BABAM2: variants seen among roughly 807,000 people sequenced by gnomAD.
BABAM2 encodes BRISC and BRCA1-A complex member 2.
A neutral mutation model predicts 54.7 loss-of-function variants in BABAM2; 31 were observed. The ratio of observed to expected loss-of-function variants is 0.57; its 90% confidence interval spans 0.43 to 0.77. BABAM2 has a LOEUF of 0.77. BABAM2 is among the 30% of genes least tolerant of loss of function. The pLI, the probability that BABAM2 is intolerant of heterozygous loss-of-function variation, is 0.00. For synonymous variants in BABAM2, 167 were observed against 162.9 expected (o/e 1.03, Z -0.19); for missense variants, 364 against 455.8 (o/e 0.80, Z 1.83).
intron 4 of BABAM2, among the ~76,000 whole-genome samples, chr2:28,016,911 A>G (rs1389156209): frequency 1.3e-5 from 2 of 152,326 alleles, no homozygotes; most frequent in Non-Finnish European, 2.9e-5. Context: ...ACCATAAGGG[A>G]TGTGATTGGC....
chr2:28,188,858 T>G (rs775479697), intron 7 of BABAM2, among the ~76,000 whole-genome samples: 1 of 152,208 alleles, frequency 6.6e-6, no homozygotes, highest in Non-Finnish European at 1.5e-5. Context: ...GAACACAGAC[T>G]AGTTTCAAAG....
At chr2:28,183,799 G>A (rs1297635508) in intron 7 of BABAM2, among the ~76,000 whole-genome samples, 9 of 146,568 alleles carry the variant, frequency 6.1e-5, no homozygotes, top group East Asian at 4.1e-4. Context: ...TTGTGAGAGC[G>A]GAGGGCAGAC....
At chr2:28,017,569 T>C (rs1184453856) in intron 4 of BABAM2, among the ~76,000 whole-genome samples, 1 of 152,192 alleles carries the variant, frequency 6.6e-6, no homozygotes, top group Non-Finnish European at 1.5e-5. Flanking sequence ...TAAAATTCAG[T>C]TGTTTCAGTA....
intron 7 of BABAM2, among the ~76,000 whole-genome samples, chr2:28,171,501 G>A (rs932674554): frequency 6.6e-6 from 1 of 152,186 alleles, no homozygotes; most frequent in African/African-American, 2.4e-5. Context: ...TCTGGCTAGG[G>A]AGTGGAGGGG....
At chr2:28,104,551 G>A (rs1347057283) in intron 6 of BABAM2, among the ~76,000 whole-genome samples, 1 of 152,200 alleles carries the variant, frequency 6.6e-6, no homozygotes, top group Non-Finnish European at 1.5e-5. Flanking sequence ...AGGTGCTGGA[G>A]AGGATGTGGA....
chr2:28,036,131 A>ATC (rs757654541), intron 5 of BABAM2, among the ~76,000 whole-genome samples: 13 of 152,198 alleles, frequency 8.5e-5, no homozygotes, highest in Non-Finnish European at 1.5e-4. Context: ...GGCCATTTAG[A>ATC]TGTAGGGTGC....
chr2:28,326,998 T>A (rs1408227154), intron 11 of BABAM2, among the ~76,000 whole-genome samples: 2 of 152,210 alleles, frequency 1.3e-5, no homozygotes, highest in Non-Finnish European at 1.5e-5. Context: ...GAGAAATATT[T>A]ATTGAGCTGG....
chr2:28,063,652 A>G (rs953518342), intron 6 of BABAM2, among the ~76,000 whole-genome samples: 1 of 152,226 alleles, frequency 6.6e-6, no homozygotes, highest in Non-Finnish European at 1.5e-5. Flanking sequence ...AGAGAGAAAG[A>G]GTACTGTCAG....
At chr2:28,122,938 A>G (rs868559831) in intron 6 of BABAM2, among the ~76,000 whole-genome samples, 15 of 152,312 alleles carry the variant, frequency 9.8e-5, no homozygotes, top group African/African-American at 2.2e-4. Flanking sequence ...TTTAAATAAA[A>G]TCTTAAGCAT....
At position 27,932,080 on chromosome 2, in the gene BABAM2, C is replaced by T. The variant is rs142736844; in HGVS notation, c.205+2172C>T. ...ACCTTGTTTTGTAGAATCTATGTAT[C>T]GTAGATTCTATGTTTTGTAGAATGA... On this transcript the variant is annotated intron_variant, in intron 3 of 11. Transcript: ENST00000379624. 1.9e-3 allele frequency among the ~76,000 whole-genome samples: 284 copies of T among 152,154 alleles called. 1 individual carries two copies. Among genetic ancestry groups the T allele is most frequent in the African/African-American group, 6.5e-3 (268 of 41,504 alleles).
At chr2:27,984,243 TTTTGA>T (rs1672234208) in intron 3 of BABAM2, among the ~76,000 whole-genome samples, 1 of 152,058 alleles carries the variant, frequency 6.6e-6, no homozygotes, top group Non-Finnish European at 1.5e-5. Flanking sequence ...TCTGTTAACT[TTTTGA>T]TTTTTTTTCC....
At chr2:28,076,484 AG>A (rs764850349) in intron 6 of BABAM2, among the ~76,000 whole-genome samples, 7,112 of 138,582 alleles carry the variant, frequency 0.051, 184 homozygotes, top group South Asian at 0.11. Flanking sequence ...TTATTTATTT[AG>A]TTAGTTAGTT....
intron 5 of BABAM2, among the ~76,000 whole-genome samples, chr2:28,038,050 A>G (rs1029514675): frequency 6.6e-6 from 1 of 152,242 alleles, no homozygotes; most frequent in African/African-American, 2.4e-5. Flanking sequence ...TACAGATTCA[A>G]GAAGCTCAAC....
Position 28,244,772 on chromosome 2 carries a change from T to C in BABAM2, c.852-8T>C. On this transcript the variant is annotated splice_polypyrimidine_tract_variant and splice_region_variant and intron_variant, in intron 9 of 11. Coordinates refer to ENST00000379624, the MANE Select transcript of BABAM2 (RefSeq NM_199191.3). ...TTTTGTTTGTGTGTGTATGTTTTTA[T>C]TACTTAGAGGTGTCGTGGAATATGA... 1 of 1,610,464 alleles carries C rather than the reference T, an allele frequency of 6.2e-7. No homozygotes were observed. Among genetic ancestry groups the C allele is most frequent in the East Asian group, 2.2e-5 (1 of 44,844 alleles).
In BABAM2 at chr2:28,281,664, T is replaced by C. The variant is rs1246089473; in HGVS notation, c.935-16674T>C. ...GACGTGTAGTATAATTCTTCTCCAG[T>C]TAGTACCAGAACATTCTAGTGGCAT... On this transcript the variant is annotated intron_variant, in intron 10 of 11. Coordinates refer to ENST00000379624, the MANE Select transcript of BABAM2 (RefSeq NM_199191.3). 2.0e-5 allele frequency among the ~76,000 whole-genome samples: 3 copies of C among 152,244 alleles called. No homozygotes were observed. In the East Asian group the frequency reaches 5.8e-4, roughly 29 times the overall value.
rs777294298 is a variant in BABAM2, at chr2:28,244,786, C to T, written c.858C>T (p.Val286=). ...AAFLSHFGTG[V]VEYDAEGFTK... ...GTATGTTTTTATTACTTAGAGGTGTCGTGGAATATGATGCAGAAGGCTTTA... is the reference window on the plus strand; with the variant it reads ...GTATGTTTTTATTACTTAGAGGTGTTGTGGAATATGATGCAGAAGGCTTTA... The change falls in exon 10 of 12, where the codon GTC becomes GTT. Residue 286 remains valine, a synonymous_variant. Coordinates refer to ENST00000379624, the MANE Select transcript of BABAM2 (RefSeq NM_199191.3). The T allele has an allele frequency of 5.0e-6, 8 of 1,613,272 alleles. No individual in the cohort carries two copies. Among genetic ancestry groups the T allele is most frequent in the Non-Finnish European group, 6.8e-6 (8 of 1,179,714 alleles).
chr2:27,989,520 T>G (rs1049231583), intron 4 of BABAM2, among the ~76,000 whole-genome samples: 1 of 152,136 alleles, frequency 6.6e-6, no homozygotes, highest in Non-Finnish European at 1.5e-5. Context: ...TTTGCTGAAA[T>G]GTAAGTCAAT....
At chr2:28,210,704 G>A (rs187429766) in intron 7 of BABAM2, among the ~76,000 whole-genome samples, 2 of 152,308 alleles carry the variant, frequency 1.3e-5, no homozygotes, top group African/African-American at 4.8e-5. Context: ...TCCAAATAGT[G>A]CCAATGGAAG....
At chr2:28,027,934 T>C (rs1203463379) in intron 5 of BABAM2, among the ~76,000 whole-genome samples, 2 of 152,206 alleles carry the variant, frequency 1.3e-5, no homozygotes, top group African/African-American at 4.8e-5. Context: ...TAGTTATATG[T>C]TGCTATGTAA....
Sources: gnomAD v4.1 joint callset for allele counts (sites outside exome capture counted in the v4.1 genomes callset) on GRCh38, gnomAD v4.1.1 for gene constraint, MANE v1.5 for transcripts, NCBI Gene and HGNC (gene_info 2026-07-23, HGNC 2026-07-21) for gene names.